The following NAGK variants were observed in gnomAD, a reference collection of about 807,000 sequenced individuals.
NAGK encodes the protein N-acetyl-D-glucosamine kinase.
Under a neutral mutation model 42.9 loss-of-function variants are expected in NAGK, and 35 were observed. That is an observed-to-expected ratio of 0.82 (90% CI 0.62 to 1.08). NAGK has a LOEUF of 1.08. NAGK is among the 50% of genes least tolerant of loss of function. NAGK has a pLI of 0.00. For synonymous variants in NAGK, 172 were observed against 176.0 expected, an observed-to-expected ratio of 0.98 and a Z score of 0.18; for missense variants, 446 against 446.0, an observed-to-expected ratio of 1.00 and a Z score of 0.00.
intron 1 of NAGK, chr2:71,069,133 G>A: frequency 1.0e-6 from 1 of 997,790 alleles, no homozygotes; most frequent in Non-Finnish European, 1.2e-6. Context: ...TCTTGGCTGA[G>A]GTTATCCGGG....
rs1338951693 is a variant in NAGK, at chr2:71,072,747, T to G, written c.462T>G (p.Gly154=). Residue 154 remains glycine (G), a synonymous_variant, in exon 5 of 10, where the codon GGT becomes GGG. Transcript: ENST00000244204. ...GGWGHMMGDE[G]SAYWIAHQAV... is the part of the protein sequence containing the mutation. ...GGGGCCATATGATGGGTGATGAGGG[T>G]TCAGGTGAGCTCACTGACTGGCCCA... 1 of 1,613,170 alleles carries G rather than the reference T, an allele frequency of 6.2e-7. No homozygotes were observed. The highest frequency in any genetic ancestry group is 8.5e-7 in the Non-Finnish European group (1 of 1,179,484).
At chr2:71,073,328 C>CCCCCCCCCCCCCCCCG in intron 5 of NAGK, 154 bp from the exon 6 acceptor site, 1 of 438,566 alleles carries the variant, frequency 2.3e-6, no homozygotes, top group Non-Finnish European at 4.4e-6. Context: ...CCTCCCACCC[C>CCCCCCCCCCCCCCCCG]CCTCTCCCAC....
chr2:71,077,418 C>G, intron 8 of NAGK, 140 bp from the exon 9 acceptor site: 1 of 687,172 alleles, frequency 1.5e-6, no homozygotes, highest in East Asian at 2.7e-5. Context: ...CTTTTTTTTT[C>G]CCCTTTCCTG....
intron 1 of NAGK, chr2:71,070,096 A>G (rs1367343609): frequency 2.0e-5 from 4 of 198,832 alleles, no homozygotes; most frequent in Non-Finnish European, 4.2e-5. Flanking sequence ...AGCTTGACCC[A>G]GTGGAGCTTG....
intron 4 of NAGK, 131 bp downstream of exon 4, chr2:71,071,958 G>A: frequency 1.6e-6 from 2 of 1,249,334 alleles, no homozygotes; most frequent in African/African-American, 3.0e-5. Flanking sequence ...AACTCTTTAA[G>A]TAGTTTAAGT....
At chr2:71,077,535 T>G in intron 8 of NAGK, 23 bp from the exon 9 acceptor site, 9 of 1,589,908 alleles carry the variant, frequency 5.7e-6, no homozygotes, top group Non-Finnish European at 7.7e-6. Context: ...GGCCCCCATA[T>G]CCATTTTCTG....
chr2:71,068,654 G>A lies in NAGK; in HGVS notation c.-30G>A. On this transcript the variant is annotated 5_prime_UTR_variant, in exon 1 of 10. Coordinates refer to ENST00000244204, the MANE Select transcript of NAGK (RefSeq NM_017567.6). ...GTGTCAGGCGGGGAGAGACGCAAAC[G>A]GCGGGACCAGCAGCGACGGTAGCAG... 1 of 1,522,262 alleles carries A rather than the reference G, an allele frequency of 6.6e-7. No individual in the cohort carries two copies. Among genetic ancestry groups the A allele is most frequent in the Non-Finnish European group, 8.8e-7 (1 of 1,134,676 alleles). The allele number at this position is 1,522,262 out of a possible 1,614,324, so 94.3% of individuals were successfully genotyped here. A position where few individuals can be genotyped will look rare whatever the true frequency, so the allele number is the denominator to read the frequency against.
chr2:71,073,487 T>C lies in NAGK; in HGVS notation c.472T>C (p.Trp158Arg). 1 of 1,613,398 alleles carries C rather than the reference T, an allele frequency of 6.2e-7. No individual in the cohort carries two copies. The highest frequency in any genetic ancestry group is 2.2e-5 in the East Asian group (1 of 44,886). ...GCCCTCTCTGCTCCCTGCAGCCTACTGGATCGCACACCAAGCAGTGAAAAT... is the reference window on the plus strand; with the variant it reads ...GCCCTCTCTGCTCCCTGCAGCCTACCGGATCGCACACCAAGCAGTGAAAAT... ...HMMGDEGSAY[W>R]IAHQAVKIVF... Residue 158 changes from tryptophan to arginine, a missense_variant, in exon 6 of 10, where the codon TGG becomes CGG. Physicochemically the swap from Trp to Arg is moderately radical, Grantham distance 101 (BLOSUM62 -3). Coordinates refer to ENST00000244204, the MANE Select transcript of NAGK (RefSeq NM_017567.6).
intron 3 of NAGK, 142 bp from the exon 4 acceptor site, chr2:71,071,544 G>T (rs1672001986): frequency 1.7e-6 from 2 of 1,168,382 alleles, no homozygotes; most frequent in Non-Finnish European, 2.3e-6. Flanking sequence ...GTCATTGTGT[G>T]GGGAGAAAGG....
rs138356329 is a variant in NAGK at position 71,070,488 on chromosome 2, C to A, written c.30-14C>A. The A allele has an allele frequency of 6.2e-7, 1 of 1,611,202 alleles. No individual in the cohort carries two copies. The highest frequency in any genetic ancestry group is 2.2e-5 in the East Asian group (1 of 44,840). On this transcript the variant is annotated splice_polypyrimidine_tract_variant and intron_variant, in intron 1 of 9. Transcript: ENST00000244204. ...TTTTCCGAGCAAGATCAAGTGCCCT[C>A]TTGTGTTCTGTAGGGGAGGCACACG...
At chr2:71,076,731 G>C (rs757897222) in intron 8 of NAGK, 30 bp downstream of exon 8, 39 of 1,582,996 alleles carry the variant, frequency 2.5e-5, no homozygotes, top group Non-Finnish European at 2.8e-5. Context: ...AAGGTGGGGA[G>C]CTGCTGGGTG....
Position 71,078,468 on chromosome 2 carries a change from G to C in NAGK, c.995G>C (p.Ser332Thr). 6.2e-7 allele frequency: 1 copy of C among 1,603,546 alleles called. No homozygotes were observed. The highest frequency in any genetic ancestry group is 8.5e-7 in the Non-Finnish European group (1 of 1,174,456). The stretch of plus-strand genomic sequence containing the variant: ...GGGCACCTCCTCCCCATGGACTATA[G>C]CGCCAATGCCATTGCCTTCTATTCC... ...HIGHLLPMDY[S>T]ANAIAFYSYT... Residue 332 changes from serine to threonine, a missense_variant, in exon 10 of 10, where the codon AGC (serine) becomes ACC (threonine). Transcript: ENST00000244204.
At chr2:71,068,585 G>A (rs748318330), upstream of NAGK, 12 of 1,521,462 alleles carry the variant, frequency 7.9e-6, no homozygotes, top group South Asian at 1.5e-4. Flanking sequence ...TGCGCGGGAG[G>A]TCACGGGAAG....
Position 71,073,574 on chromosome 2 carries a change from G to A in NAGK, c.559G>A (p.Ala187Thr). 1 of 1,613,718 alleles carries A rather than the reference G, an allele frequency of 6.2e-7. No individual in the cohort carries two copies. The highest frequency in any genetic ancestry group is 1.7e-5 in the Admixed American group (1 of 60,022). ...APHDIGYVKQ[A>T]MFHYFQVPDR... is the part of the protein sequence containing the mutation. ...TCATGATATCGGCTACGTCAAACAG[G>A]CCATGTTCCACTATTTCCAGGTACT... The change falls in exon 6 of 10, where the codon GCC becomes ACC. Residue 187 changes from alanine (A) to threonine (T), a missense_variant. By Grantham distance (58) the Ala-to-Thr change is moderately conservative. Transcript: ENST00000244204.
At chr2:71,078,279 G>C (rs373525121) in intron 9 of NAGK, 39 bp from the exon 10 acceptor site, 2 of 1,599,050 alleles carry the variant, frequency 1.3e-6, no homozygotes. Context: ...ACAGGTTGCT[G>C]TTCTCCTCTT....
chr2:71,078,990 C>G lies in NAGK; in HGVS notation c.*482C>G, dbSNP rs1672317516. ...AGTAACCTTAGGTATATCACACCCT[C>G]TCCTGAGACTCCCAGCAAGATTTAG... On this transcript the variant is annotated 3_prime_UTR_variant, in exon 10 of 10. Coordinates refer to ENST00000244204, the MANE Select transcript of NAGK (RefSeq NM_017567.6). The G allele has an allele frequency of 6.5e-6, 1 of 153,512 alleles. No homozygotes were observed. The highest frequency in any genetic ancestry group is 2.4e-5 in the African/African-American group (1 of 41,484). The allele number at this position is 153,512 out of a possible 1,614,324, so 9.5% of individuals were successfully genotyped here.
rs754915910 is a variant in NAGK at position 71,073,559 on chromosome 2, G to A, written c.544G>A (p.Gly182Ser). The A allele has an allele frequency of 4.0e-5, 64 of 1,613,810 alleles. No individual in the cohort carries two copies. The highest frequency in any genetic ancestry group is 4.7e-5 in the Non-Finnish European group (56 of 1,179,914). Residue 182 changes from glycine (G) to serine (S), a missense_variant, in exon 6 of 10, where the codon GGC (glycine) becomes AGC (serine). Coordinates refer to ENST00000244204, the MANE Select transcript of NAGK (RefSeq NM_017567.6). Reference sequence around the variant, plus strand: ...CCTAGAGGCGGCTCCTCATGATATCGGCTACGTCAAACAGGCCATGTTCCA... The same window carrying A: ...CCTAGAGGCGGCTCCTCATGATATCAGCTACGTCAAACAGGCCATGTTCCA... ...DNLEAAPHDI[G>S]YVKQAMFHYF...
rs140568635 is a variant in NAGK, at chr2:71,069,246, T to A, written c.29+534T>A. 35 of 332,044 alleles carry A rather than the reference T, an allele frequency of 1.1e-4. 1 individual carries two copies. In the East Asian group the frequency reaches 4.0e-3, roughly 38 times the overall value. 20.6% of individuals were successfully genotyped at this position (332,044 alleles called of 1,614,324 possible). ...CTGCTTTCACTAGATTGCATTTTTC[T>A]GCTCAGAAGCTTGTTTACTGAACTT... On this transcript the variant is annotated intron_variant, in intron 1 of 9. Transcript: ENST00000244204.
intron 7 of NAGK, 111 bp from the exon 8 acceptor site, chr2:71,076,493 C>T (rs1672215634): frequency 2.4e-6 from 2 of 832,626 alleles, no homozygotes; most frequent in Non-Finnish European, 1.9e-6. Context: ...CAGTAGACTC[C>T]TAGCTCAGGG....
Sources: allele counts gnomAD v4.1 joint callset, GRCh38; gene constraint gnomAD v4.1.1; transcripts MANE v1.5; gene names NCBI Gene and HGNC (gene_info 2026-07-23, HGNC 2026-07-21).